Variants in TFDP2 observed in about 807,000 individuals in gnomAD.
TFDP2 encodes the protein transcription factor Dp-2.
In TFDP2, 17 loss-of-function variants were observed where a neutral mutation model predicts 59.3. That is an observed-to-expected ratio of 0.29 (90% CI 0.20 to 0.43). TFDP2 has a LOEUF of 0.43. TFDP2 is among the 20% of genes least tolerant of loss of function. The pLI, the probability that TFDP2 is intolerant of heterozygous loss-of-function variation, is 1.00. For missense variants in TFDP2, 391 were observed against 528.8 expected, an observed-to-expected ratio of 0.74 and a Z score of 2.56; for synonymous variants, 180 against 194.7, an observed-to-expected ratio of 0.92 and a Z score of 0.63.
At position 142,058,487 on chromosome 3, in the gene TFDP2, C is replaced by T. The variant is rs994289274; in HGVS notation, c.82+34574G>A. Among the ~76,000 whole-genome samples, 17 of 152,258 alleles carry T rather than the reference C, an allele frequency of 1.1e-4. No individual in the cohort carries two copies. The East Asian group carries it at 3.1e-3, about 28-fold the overall frequency. ...GACTGCCTGCCACAGCTGCTAGCCA[C>T]AGATGACATGCCCAGGCTACTCCCA... On this transcript the variant is annotated intron_variant, in intron 3 of 12. Coordinates refer to ENST00000489671, the MANE Select transcript of TFDP2 (RefSeq NM_001178139.2).
At chr3:142,062,019 C>G (rs557649879) in intron 3 of TFDP2, among the ~76,000 whole-genome samples, 1 of 151,446 alleles carries the variant, frequency 6.6e-6, no homozygotes, top group Non-Finnish European at 1.5e-5. Context: ...CTCTGCCACC[C>G]GAGACGGCAA....
At chr3:141,957,752 TC>T (rs1424512367) in intron 11 of TFDP2, among the ~76,000 whole-genome samples, 1 of 152,172 alleles carries the variant, frequency 6.6e-6, no homozygotes, top group African/African-American at 2.4e-5. Context: ...ACATAAAGCG[TC>T]TTTCTAGAAT....
intron 3 of TFDP2, among the ~76,000 whole-genome samples, chr3:142,032,100 C>CTT (rs1215703721): frequency 7.1e-6 from 1 of 141,626 alleles, no homozygotes; most frequent in Non-Finnish European, 1.6e-5. Context: ...CTCTCTCTCT[C>CTT]TTTTTTTTTT....
At chr3:142,023,056 G>A (rs1945747266) in intron 3 of TFDP2, among the ~76,000 whole-genome samples, 1 of 138,574 alleles carries the variant, frequency 7.2e-6, no homozygotes, top group Non-Finnish European at 1.5e-5. Context: ...GGAGGCGGAG[G>A]TTGCAGTAAG....
chr3:142,113,931 G>A (rs1577016262), intron 1 of TFDP2, among the ~76,000 whole-genome samples: 1 of 152,214 alleles, frequency 6.6e-6, no homozygotes. Context: ...TTCGGAGGCC[G>A]AGGCGGGCGG....
At chr3:141,991,126 T>C (rs1942718516) in intron 6 of TFDP2, among the ~76,000 whole-genome samples, 1 of 152,226 alleles carries the variant, frequency 6.6e-6, no homozygotes, top group Admixed American at 6.5e-5. Flanking sequence ...ATTTTATTGA[T>C]TATTTCCTTT....
At chr3:142,043,937 G>C in intron 3 of TFDP2, 1 of 811,126 alleles carries the variant, frequency 1.2e-6, no homozygotes, top group Non-Finnish European at 2.2e-6. Flanking sequence ...TCTGGCATTC[G>C]CGCATTGGCT....
chr3:142,013,040 G>C lies in TFDP2; in HGVS notation c.83-7496C>G, dbSNP rs11569180. 2.5e-3 allele frequency among the ~76,000 whole-genome samples: 376 copies of C among 152,220 alleles called. 9 individuals carry two copies. In the East Asian group the frequency reaches 0.056, roughly 23 times the overall value. On this transcript the variant is annotated intron_variant, in intron 3 of 12. Transcript: ENST00000489671. ...TAATCCCAGCTACTTAGGAGGCTGA[G>C]GCAGGAGAATCACTTGAACCCGGGA... is the stretch of plus-strand genomic sequence containing the variant.
At chr3:142,110,768 A>G (rs1230668637) in intron 1 of TFDP2, among the ~76,000 whole-genome samples, 2 of 151,830 alleles carry the variant, frequency 1.3e-5, no homozygotes, top group Non-Finnish European at 2.9e-5. Context: ...CGTGGGCAAA[A>G]TAGTATGATC....
Position 141,972,231 on chromosome 3 carries a change from CCCT to C in TFDP2, c.663+1814_663+1816del, listed in dbSNP as rs138296922. Reference sequence around the variant, plus strand: ...CTGACAAGCCAGGCCCCTTACCTGTCCCTCATCCAACCAGGTCAAGCTGCACTG... The same window carrying C: ...CTGACAAGCCAGGCCCCTTACCTGTCCATCCAACCAGGTCAAGCTGCACTG... On this transcript the variant is annotated intron_variant, in intron 8 of 12. Transcript: ENST00000489671. Among the ~76,000 whole-genome samples the C allele has an allele frequency of 7.2e-3, 1,097 of 152,262 alleles. 13 individuals are homozygous for C. The highest frequency in any genetic ancestry group is 0.024 in the African/African-American group (1,014 of 41,548).
rs1051603888 is a variant in TFDP2 at position 141,950,995 on chromosome 3, T to TTCC, written c.*1515_*1517dup. Reference sequence around the variant, plus strand: ...TTAAACATGTTTAGCTAGCCAAAGCTTCCTCCTCCTCACCATGCTCAGTGT... The same window carrying TTCC: ...TTAAACATGTTTAGCTAGCCAAAGCTTCCTCCTCCTCCTCACCATGCTCAGTGT... On this transcript the variant is annotated 3_prime_UTR_variant, in exon 13 of 13. Transcript: ENST00000489671. 3.9e-5 allele frequency: 6 copies of TTCC among 152,192 alleles called. No individual in the cohort carries two copies. Among genetic ancestry groups the TTCC allele is most frequent in the African/African-American group, 1.4e-4 (6 of 41,454 alleles). 9.4% of individuals were successfully genotyped at this position (152,192 alleles called of 1,614,324 possible).
chr3:142,129,401 A>T (rs528361157), intron 1 of TFDP2, among the ~76,000 whole-genome samples: 23 of 152,206 alleles, frequency 1.5e-4, no homozygotes, highest in South Asian at 1.0e-3. Flanking sequence ...AAGAGATCTT[A>T]AAAAAAGGTG....
intron 9 of TFDP2, among the ~76,000 whole-genome samples, chr3:141,969,139 CCCATATATA>C (rs1559942183): frequency 1.3e-5 from 1 of 75,324 alleles, no homozygotes; most frequent in East Asian, 3.2e-4. Flanking sequence ...ACATATATAT[CCCATATATA>C]TGAGATATAT....
At chr3:141,969,229 TGA>T (rs1440758755) in intron 9 of TFDP2, among the ~76,000 whole-genome samples, 1 of 91,796 alleles carries the variant, frequency 1.1e-5, no homozygotes. Flanking sequence ...CTCATATATA[TGA>T]GATATATATA....
At chr3:141,992,041 C>CAA (rs563215187) in intron 6 of TFDP2, among the ~76,000 whole-genome samples, 35 of 44,126 alleles carry the variant, frequency 7.9e-4, no homozygotes, top group African/African-American at 3.5e-3. Flanking sequence ...GACTCCATCT[C>CAA]AAAAAAAAAA....
chr3:141,982,340 A>T (rs777666753), intron 6 of TFDP2, among the ~76,000 whole-genome samples: 1 of 152,206 alleles, frequency 6.6e-6, no homozygotes, highest in Non-Finnish European at 1.5e-5. Flanking sequence ...AATGGCTTAA[A>T]GTAAATAAAT....
intron 4 of TFDP2, among the ~76,000 whole-genome samples, chr3:141,998,221 A>G (rs1268992641): frequency 6.6e-6 from 1 of 152,204 alleles, no homozygotes; most frequent in Admixed American, 6.5e-5. Flanking sequence ...AAACAGAAGG[A>G]AAGTCGGTAA....
rs921096061 is a variant in TFDP2 at position 142,147,497 on chromosome 3, G to A, written c.-93+1686C>T. ...AGAGAAAAACTTCCATGTGCCACTT[G>A]GACTACACATTCACAAGAGTCAGGG... On this transcript the variant is annotated intron_variant, in intron 1 of 12. Transcript: ENST00000489671. Among the ~76,000 whole-genome samples, 8 of 152,188 alleles carry A rather than the reference G, an allele frequency of 5.3e-5. No homozygotes were observed. The East Asian group carries it at 1.2e-3, about 22-fold the overall frequency.
intron 3 of TFDP2, among the ~76,000 whole-genome samples, chr3:142,027,736 C>T (rs1946198050): frequency 6.6e-6 from 1 of 152,040 alleles, no homozygotes; most frequent in African/African-American, 2.4e-5. Context: ...ATGATCAATT[C>T]AATCAAGTTG....
Sources: gnomAD v4.1 joint callset for allele counts (sites outside exome capture counted in the v4.1 genomes callset) on GRCh38, gnomAD v4.1.1 for gene constraint, MANE v1.5 for transcripts, NCBI Gene and HGNC (gene_info 2026-07-23, HGNC 2026-07-21) for gene names.